SKIDA1: variants seen among roughly 807,000 people sequenced by gnomAD.
SKIDA1 encodes SKI/DACH domain-containing protein 1.
A neutral mutation model predicts 51.4 loss-of-function variants in SKIDA1; 18 were observed. That is an observed-to-expected ratio of 0.35 (90% CI 0.24 to 0.52). The LOEUF is 0.52. SKIDA1 is among the 20% of genes least tolerant of loss of function. The pLI is 0.95. For synonymous variants in SKIDA1, 579 were observed against 500.5 expected, an observed-to-expected ratio of 1.16 and a Z score of -2.09; for missense variants, 1,104 against 1,180.6, an observed-to-expected ratio of 0.94 and a Z score of 0.95.
At position 21,521,380 on chromosome 10, in the gene SKIDA1, TTTAC is replaced by T. The variant is rs891235490; in HGVS notation, c.-1837+5_-1837+8del. The T allele has an allele frequency of 1.3e-5, 2 of 152,652 alleles. No homozygotes were observed. The highest frequency in any genetic ancestry group is 4.8e-5 in the African/African-American group (2 of 41,448). 9.5% of individuals were successfully genotyped at this position (152,652 alleles called of 1,614,324 possible). The stretch of plus-strand genomic sequence containing the variant: ...AATTATGCTTAAAGTTATGCAATAA[TTTAC>T]TTACTTTGCCTGATGTGCAGATCCA... On this transcript the variant is annotated splice_donor_5th_base_variant and intron_variant, in intron 3 of 3. Coordinates refer to ENST00000449193, the MANE Select transcript of SKIDA1 (RefSeq NM_207371.4).
intron 1 of SKIDA1, chr10:21,524,887 G>A (rs913396989): frequency 1.3e-5 from 2 of 152,148 alleles, no homozygotes; most frequent in Non-Finnish European, 2.9e-5. Context: ...AAGCCAAAAA[G>A]CTTGGGAAGG....
rs1319844676 is a variant in SKIDA1, at chr10:21,517,192, G to C, written c.631C>G (p.Pro211Ala). The change falls in exon 4 of 4, where the codon CCT becomes GCT. Residue 211 changes from proline (P) to alanine (A), a missense_variant. Physicochemically the swap from Pro to Ala is conservative, Grantham distance 27. Around this residue, in one of 3 missense-constraint regions of SKIDA1, gnomAD observed 938 missense variants for 886.4 expected, o/e 1.06. Coordinates refer to ENST00000449193, the MANE Select transcript of SKIDA1 (RefSeq NM_207371.4). The surrounding 1 kb of genome is among the most constrained non-coding windows in gnomAD (Gnocchi z 6.9). ...QGNYVAFPSD[P>A]AYFRSLLCSK... ...CACAGCAGGCTCCGAAAATAAGCAGGGTCCGAGGGGAAGGCGACGTAGTTT... is the reference window on the plus strand; with the variant it reads ...CACAGCAGGCTCCGAAAATAAGCAGCGTCCGAGGGGAAGGCGACGTAGTTT... The C allele has an allele frequency of 1.5e-5, 22 of 1,440,494 alleles. No homozygotes were observed. The highest frequency in any genetic ancestry group is 1.9e-5 in the Non-Finnish European group (21 of 1,089,854). The allele number at this position is 1,440,494 out of a possible 1,614,324, so 89.2% of individuals were successfully genotyped here.
At position 21,514,530 on chromosome 10, in the gene SKIDA1, G is replaced by A. The variant is rs963199631; in HGVS notation, c.*566C>T. On this transcript the variant is annotated 3_prime_UTR_variant, in exon 4 of 4. Coordinates refer to ENST00000449193, the MANE Select transcript of SKIDA1 (RefSeq NM_207371.4). ...AAAAAGTTAAGTGCAACTACTCTTG[G>A]AGAGGGAATAAGGGGAGTCAAAAGA... 6.6e-6 allele frequency: 1 copy of A among 150,644 alleles called. No individual in the cohort carries two copies. The highest frequency in any genetic ancestry group is 2.4e-5 in the African/African-American group (1 of 40,904). The allele number at this position is 150,644 out of a possible 1,614,324, so 9.3% of individuals were successfully genotyped here. A position where few individuals can be genotyped will look rare whatever the true frequency, so the allele number is the denominator to read the frequency against.
At position 21,516,896 on chromosome 10, in the gene SKIDA1, C is replaced by T. The variant is rs1475196021; in HGVS notation, c.927G>A (p.Ala309=). Residue 309 remains alanine (A), a synonymous_variant, in exon 4 of 4, where the codon GCG becomes GCA. Coordinates refer to ENST00000449193, the MANE Select transcript of SKIDA1 (RefSeq NM_207371.4). The surrounding 1 kb of genome is among the most constrained non-coding windows in gnomAD (Gnocchi z 5.7). Reference sequence around the variant, plus strand: ...CGGCGGCCGCCGCCGCCGCTGCCGCCGCCGCCGCCGCCGCCGCCGCCTTGG... The same window carrying T: ...CGGCGGCCGCCGCCGCCGCTGCCGCTGCCGCCGCCGCCGCCGCCGCCTTGG... ...YKAKAAAAAA[A]AAAAAAAAAG... is the part of the protein sequence containing the mutation. 2.5e-5 allele frequency: 28 copies of T among 1,140,260 alleles called. No individual in the cohort carries two copies. The highest frequency in any genetic ancestry group is 3.7e-4 in the Middle Eastern group (1 of 2,708). 70.6% of individuals were successfully genotyped at this position (1,140,260 alleles called of 1,614,324 possible).
At chr10:21,522,844 C>T (rs1299191110) in intron 2 of SKIDA1, among the ~76,000 whole-genome samples, 1 of 151,682 alleles carries the variant, frequency 6.6e-6, no homozygotes, top group African/African-American at 2.4e-5. Context: ...CTTTTTTTGC[C>T]CCCTGACCCA....
At chr10:21,520,793 TTAAG>T (rs1339272591) in intron 3 of SKIDA1, among the ~76,000 whole-genome samples, 31 of 151,848 alleles carry the variant, frequency 2.0e-4, no homozygotes, top group African/African-American at 6.5e-4. Flanking sequence ...TAGTAGCATA[TTAAG>T]TTATTTTTTT....
rs1248931411 is a variant in SKIDA1, at chr10:21,517,379, G to T, written c.444C>A (p.Pro148=). The T allele has an allele frequency of 5.0e-6, 7 of 1,411,862 alleles. No homozygotes were observed. 87.5% of individuals were successfully genotyped at this position (1,411,862 alleles called of 1,614,324 possible). A position where few individuals can be genotyped will look rare whatever the true frequency, so the allele number is the denominator to read the frequency against. Residue 148 remains proline (P), a synonymous_variant, in exon 4 of 4, where the codon CCC becomes CCA. Coordinates refer to ENST00000449193, the MANE Select transcript of SKIDA1 (RefSeq NM_207371.4). This position sits in a 1 kb window ranked among gnomAD's most constrained non-coding sequence, Gnocchi z 6.9. ...GCTGGGACTGCGCGCTGATTGGCAG[G>T]GGCCGCGCGGCTCCGCTCAGGCCCC... ...LWRGLSGAAR[P]LPISAQSQRP...
chr10:21,514,934 A>AAACC lies in SKIDA1; in HGVS notation c.*161_*162insGGTT. 1 of 826,704 alleles carries AAACC rather than the reference A, an allele frequency of 1.2e-6. No individual in the cohort carries two copies. Among genetic ancestry groups the AAACC allele is most frequent in the Non-Finnish European group, 1.6e-6 (1 of 637,226 alleles). 51.2% of individuals were successfully genotyped at this position (826,704 alleles called of 1,614,324 possible). ...CCCTACTCCAGAAAAAAAAAAAAAAACCCGCAACGGAAAAAAAGTAATCCG... is the reference window on the plus strand; with the variant it reads ...CCCTACTCCAGAAAAAAAAAAAAAAAAACCCCCGCAACGGAAAAAAAGTAATCCG... On this transcript the variant is annotated 3_prime_UTR_variant, in exon 4 of 4. Transcript: ENST00000449193.
In SKIDA1 at chr10:21,515,225, C is replaced by T. The variant is rs1184227348; in HGVS notation, c.2598G>A (p.Pro866=). The change falls in exon 4 of 4, where the codon CCG becomes CCA. Residue 866 remains proline (P), a synonymous_variant. Transcript: ENST00000449193. ...CCTTAGTGGTGTTTAAGGAATACGC[C>T]GGCCACAAATCCCCATCTCTCCCAA... ...LIIGRDGDLW[P]AYSLNTTKDS... is the part of the protein sequence containing the mutation. 5 of 1,613,826 alleles carry T rather than the reference C, an allele frequency of 3.1e-6. No homozygotes were observed. The highest frequency in any genetic ancestry group is 2.2e-5 in the South Asian group (2 of 91,060).
At position 21,515,909 on chromosome 10, in the gene SKIDA1, G is replaced by T; in HGVS notation, c.1914C>A (p.Ile638=). The T allele has an allele frequency of 6.2e-7, 1 of 1,613,992 alleles. No homozygotes were observed. Among genetic ancestry groups the T allele is most frequent in the Non-Finnish European group, 8.5e-7 (1 of 1,179,892 alleles). ...AEANSEKYSK[I]LHCPEFATDL... is the part of the protein sequence containing the mutation. ...CCGTAGCAAATTCAGGACAATGAAG[G>T]ATTTTGGAATATTTTTCTGAATTTG... Residue 638 remains isoleucine, a synonymous_variant, in exon 4 of 4, where the codon ATC becomes ATA. Transcript: ENST00000449193.
intron 2 of SKIDA1, among the ~76,000 whole-genome samples, chr10:21,521,863 A>C (rs1468242617): frequency 6.6e-6 from 1 of 152,210 alleles, no homozygotes. Flanking sequence ...CAGCACTTTC[A>C]GTTTTTAAAG....
In SKIDA1 at chr10:21,516,541, C is replaced by T; in HGVS notation, c.1282G>A (p.Glu428Lys). ...GAATCCGAGGCCCCGCTGCCCCCCTCCTCCTCCTCTTCCTCCTCCTCCTCC... is the reference window on the plus strand; with the variant it reads ...GAATCCGAGGCCCCGCTGCCCCCCTTCTCCTCCTCTTCCTCCTCCTCCTCC... Reference protein sequence around the residue: ...GEEEEEEEEEEGGSGASDSSE... With the variant: ...GEEEEEEEEEKGGSGASDSSE... Residue 428 changes from glutamate (E) to lysine (K), a missense_variant, in exon 4 of 4, where the codon GAG becomes AAG. Physicochemically the swap from Glu to Lys is moderately conservative, Grantham distance 56. Transcript: ENST00000449193. The surrounding 1 kb of genome is among the most constrained non-coding windows in gnomAD (Gnocchi z 5.7). 2 of 1,548,624 alleles carry T rather than the reference C, an allele frequency of 1.3e-6. No homozygotes were observed. Among genetic ancestry groups the T allele is most frequent in the South Asian group, 2.4e-5 (2 of 84,716 alleles).
rs1457315996 is a variant in SKIDA1 at position 21,517,260 on chromosome 10, G to T, written c.563C>A (p.Pro188Gln). ...GSHYPEIVRS[P>Q]CKPPLNYETA... ...TTCATAGTTTAGAGGGGGTTTGCAC[G>T]GCGAGCGCACGATCTCCGGGTAGTG... The change falls in exon 4 of 4, where the codon CCG (proline) becomes CAG (glutamine). Residue 188 changes from proline to glutamine, a missense_variant. Transcript: ENST00000449193. The surrounding 1 kb of genome is among the most constrained non-coding windows in gnomAD (Gnocchi z 6.9). 2.7e-6 allele frequency: 4 copies of T among 1,473,926 alleles called. No individual in the cohort carries two copies. The highest frequency in any genetic ancestry group is 1.5e-5 in the African/African-American group (1 of 67,918). 91.3% of individuals were successfully genotyped at this position (1,473,926 alleles called of 1,614,324 possible). A position where few individuals can be genotyped will look rare whatever the true frequency, so the allele number is the denominator to read the frequency against.
chr10:21,516,050 T>C lies in SKIDA1; in HGVS notation c.1773A>G (p.Gln591=). The C allele has an allele frequency of 1.2e-6, 2 of 1,614,078 alleles. No homozygotes were observed. Among genetic ancestry groups the C allele is most frequent in the South Asian group, 1.1e-5 (1 of 91,090 alleles). ...TCCTAGCCTCTCGGAGTATTCTTTGTTGTGGAAATGCATTGTTTGTCTTTG... is the reference window on the plus strand; with the variant it reads ...TCCTAGCCTCTCGGAGTATTCTTTGCTGTGGAAATGCATTGTTTGTCTTTG... The part of the protein sequence containing the change: ...PSPKTNNAFP[Q]QRILREARKC... The change falls in exon 4 of 4, where the codon CAA becomes CAG. Residue 591 remains glutamine, a synonymous_variant. Coordinates refer to ENST00000449193, the MANE Select transcript of SKIDA1 (RefSeq NM_207371.4). This position sits in a 1 kb window ranked among gnomAD's most constrained non-coding sequence, Gnocchi z 5.7.
At position 21,515,254 on chromosome 10, in the gene SKIDA1, T is replaced by C. The variant is rs776042701; in HGVS notation, c.2569A>G (p.Ile857Val). The change falls in exon 4 of 4, where the codon ATT becomes GTT. Residue 857 changes from isoleucine (I) to valine (V), a missense_variant. Ile to Val is a conservative substitution (Grantham distance 29). Transcript: ENST00000449193. ...MANFPCPPSL[I>V]IGRDGDLWPA... is the part of the protein sequence containing the mutation. The stretch of plus-strand genomic sequence containing the variant: ...CACAAATCCCCATCTCTCCCAATAA[T>C]GAGTGATGGTGGACAAGGAAAATTT... The C allele has an allele frequency of 8.1e-6, 13 of 1,613,968 alleles. No homozygotes were observed. The East Asian group carries it at 1.6e-4, about 19-fold the overall frequency.
chr10:21,517,416 T>C lies in SKIDA1; in HGVS notation c.407A>G (p.His136Arg). 6.7e-7 allele frequency: 1 copy of C among 1,483,244 alleles called. No homozygotes were observed. Among genetic ancestry groups the C allele is most frequent in the Non-Finnish European group, 8.9e-7 (1 of 1,122,910 alleles). The allele number at this position is 1,483,244 out of a possible 1,614,324, so 91.9% of individuals were successfully genotyped here. ...TCCGCTCAGGCCCCGCCAAAGTTGG[T>C]GCTTGTCCTTCCAAAATCCCGGGCG... ...SPRPGFWKDK[H>R]QLWRGLSGAA... The change falls in exon 4 of 4, where the codon CAC (histidine) becomes CGC (arginine). Residue 136 changes from histidine (H) to arginine (R), a missense_variant. This residue lies in a region of SKIDA1 where 938 missense variants were observed against 886.4 expected (regional missense o/e 1.06). Coordinates refer to ENST00000449193, the MANE Select transcript of SKIDA1 (RefSeq NM_207371.4). This position sits in a 1 kb window ranked among gnomAD's most constrained non-coding sequence, Gnocchi z 6.9.
At chr10:21,520,597 T>A (rs1481092494) in intron 3 of SKIDA1, among the ~76,000 whole-genome samples, 1 of 151,460 alleles carries the variant, frequency 6.6e-6, no homozygotes, top group Admixed American at 6.6e-5. Flanking sequence ...GCATCCTTTT[T>A]TTTTTTTCTC....
Position 21,519,502 on chromosome 10 carries a change from G to A in SKIDA1, c.-1680C>T, listed in dbSNP as rs2032334140. The A allele has an allele frequency of 1.2e-5, 2 of 166,974 alleles. No homozygotes were observed. Among genetic ancestry groups the A allele is most frequent in the African/African-American group, 4.8e-5 (2 of 41,430 alleles). 10.3% of individuals were successfully genotyped at this position (166,974 alleles called of 1,614,324 possible). Reference sequence around the variant, plus strand: ...AGTCGCATTACCACGATCCCAAGGCGGCTCCTTGGCTGCTTTGCAAAATTC... The same window carrying A: ...AGTCGCATTACCACGATCCCAAGGCAGCTCCTTGGCTGCTTTGCAAAATTC... On this transcript the variant is annotated 5_prime_UTR_variant, in exon 4 of 4. Coordinates refer to ENST00000449193, the MANE Select transcript of SKIDA1 (RefSeq NM_207371.4).
In SKIDA1 at chr10:21,518,937, C is replaced by G. The variant is rs2032320239; in HGVS notation, c.-1115G>C. 6.0e-6 allele frequency: 1 copy of G among 166,282 alleles called. No homozygotes were observed. The highest frequency in any genetic ancestry group is 6.6e-5 in the Admixed American group (1 of 15,188). The allele number at this position is 166,282 out of a possible 1,614,324, so 10.3% of individuals were successfully genotyped here. A position where few individuals can be genotyped will look rare whatever the true frequency, so the allele number is the denominator to read the frequency against. ...AGGAAGCAGTTCAAGGCTCCAGCTCCGAAACACTGTAACAATTCAACTGGA... is the reference window on the plus strand; with the variant it reads ...AGGAAGCAGTTCAAGGCTCCAGCTCGGAAACACTGTAACAATTCAACTGGA... On this transcript the variant is annotated 5_prime_UTR_variant, in exon 4 of 4. Transcript: ENST00000449193.
Sources: allele counts gnomAD v4.1 joint callset (sites outside exome capture counted in the v4.1 genomes callset), GRCh38; gene constraint gnomAD v4.1.1; regional missense constraint gnomAD v4.1.1; non-coding constraint Gnocchi (gnomAD v3.1); transcripts MANE v1.5; gene names NCBI Gene and HGNC (gene_info 2026-07-23, HGNC 2026-07-21).